The following SLC28A1 variants were observed in gnomAD, a reference collection of about 807,000 sequenced individuals.
SLC28A1 encodes the protein solute carrier family 28 member 1.
In SLC28A1, 64 loss-of-function variants were observed where a neutral mutation model predicts 74.8. That is an observed-to-expected ratio of 0.86 (90% confidence interval 0.70 to 1.05). SLC28A1 has a LOEUF of 1.05. SLC28A1 is among the 50% of genes least tolerant of loss of function. The probability of loss-of-function intolerance (pLI) is 0.00; values close to 1 mark genes in which losing one functional copy is unlikely to be tolerated. For missense variants in SLC28A1, 828 were observed against 822.8 expected, an observed-to-expected ratio of 1.01 and a Z score of -0.08; for synonymous variants, 359 against 335.0, an observed-to-expected ratio of 1.07 and a Z score of -0.78.
chr15:84,892,914 A>G (rs778731286), intron 5 of SLC28A1, among the ~76,000 whole-genome samples: 2 of 152,078 alleles, frequency 1.3e-5, no homozygotes, highest in Non-Finnish European at 2.9e-5. Context: ...GTCTTCAAGG[A>G]GCTTAGCTCA....
chr15:84,960,680 C>T, the SLC28A1 span, among the ~76,000 whole-genome samples: 7 of 152,280 alleles, frequency 4.6e-5, no homozygotes, highest in African/African-American at 1.7e-4. Context: ...CTTTCAACTC[C>T]GCTTCCTGTT....
intron 6 of SLC28A1, chr15:84,895,559 T>C (rs1965905560): frequency 1.3e-6 from 2 of 1,539,178 alleles, no homozygotes; most frequent in South Asian, 1.2e-5. Flanking sequence ...AGCAGCGTCC[T>C]TGGACAACAG....
chr15:84,893,796 C>T (rs796393093), intron 5 of SLC28A1, among the ~76,000 whole-genome samples: 12 of 152,302 alleles, frequency 7.9e-5, no homozygotes, highest in South Asian at 2.1e-4. Context: ...CTGCTTGCCA[C>T]GCACCACACG....
downstream of SLC28A1, among the ~76,000 whole-genome samples, chr15:84,950,708 G>T (rs912560444): frequency 4.6e-5 from 7 of 151,958 alleles, no homozygotes; most frequent in African/African-American, 1.7e-4. Flanking sequence ...TGTCTTAAAA[G>T]AAAAAGAAAA....
intron 6 of SLC28A1, chr15:84,895,959 T>G: frequency 1.0e-6 from 1 of 980,174 alleles, no homozygotes; most frequent in Non-Finnish European, 1.2e-6. Context: ...AGCCTGTGGA[T>G]GAACACATTT....
intron 10 of SLC28A1, 138 bp downstream of exon 10, chr15:84,918,742 C>G: frequency 1.3e-6 from 1 of 747,712 alleles, no homozygotes; most frequent in Non-Finnish European, 2.4e-6. Context: ...CTTCCAGAGT[C>G]CCCTGTTCCC....
At chr15:84,893,427 A>G (rs1027462387) in intron 5 of SLC28A1, among the ~76,000 whole-genome samples, 1 of 152,196 alleles carries the variant, frequency 6.6e-6, no homozygotes, top group African/African-American at 2.4e-5. Flanking sequence ...ACTCCAGCCC[A>G]CAAGCTTCCA....
At chr15:84,937,471 C>T (rs4843007) in intron 15 of SLC28A1, among the ~76,000 whole-genome samples, 65,454 of 152,060 alleles carry the variant, frequency 0.43, 15,178 homozygotes, top group East Asian at 0.88. Context: ...AGGTTCACTA[C>T]TTCAATAAGC....
chr15:84,924,863 A>C (rs961747435), intron 12 of SLC28A1, among the ~76,000 whole-genome samples: 2 of 150,336 alleles, frequency 1.3e-5, no homozygotes, highest in Admixed American at 6.6e-5. Flanking sequence ...TCTTAACCCC[A>C]CTTCCCATGG....
At chr15:84,919,924 C>A (rs916862702) in intron 10 of SLC28A1, among the ~76,000 whole-genome samples, 19 of 152,126 alleles carry the variant, frequency 1.2e-4, no homozygotes, top group Non-Finnish European at 2.4e-4. Flanking sequence ...TGTGTTCAAC[C>A]AAGAGGCTAT....
the SLC28A1 span, among the ~76,000 whole-genome samples, chr15:84,951,114 C>A: frequency 6.6e-6 from 1 of 152,140 alleles, no homozygotes; most frequent in Admixed American, 6.5e-5. Context: ...CAAGCTTGGA[C>A]CATGAAGACA....
intron 15 of SLC28A1, among the ~76,000 whole-genome samples, chr15:84,942,824 A>G (rs1213670227): frequency 6.6e-6 from 1 of 152,198 alleles, no homozygotes; most frequent in Non-Finnish European, 1.5e-5. Context: ...AGAGCTTAGT[A>G]GGGCCAAAGC....
At chr15:84,902,411 T>C (rs970593668) in intron 6 of SLC28A1, among the ~76,000 whole-genome samples, 5 of 149,522 alleles carry the variant, frequency 3.3e-5, no homozygotes, top group Non-Finnish European at 7.4e-5. Flanking sequence ...ACCCCGGAGG[T>C]GGAGGTTGCA....
At chr15:84,951,455 A>G in the SLC28A1 span, among the ~76,000 whole-genome samples, 2 of 142,218 alleles carry the variant, frequency 1.4e-5, no homozygotes, top group African/African-American at 5.2e-5. Flanking sequence ...AAAAAAAAAG[A>G]AGGAGTCTGG....
At position 84,945,245 on chromosome 15, in the gene SLC28A1, C is replaced by G; in HGVS notation, c.*45C>G. 6.4e-7 allele frequency: 1 copy of G among 1,566,818 alleles called. No homozygotes were observed. Among genetic ancestry groups the G allele is most frequent in the Middle Eastern group, 1.7e-4 (1 of 5,966 alleles). On this transcript the variant is annotated 3_prime_UTR_variant, in exon 19 of 19. Coordinates refer to ENST00000394573, the MANE Select transcript of SLC28A1 (RefSeq NM_004213.5). ...TTCTGCGCTTCTGAGGGCTGTTCTC[C>G]CCCGGGAACCATCTGTCCCCACCTT... is the stretch of plus-strand genomic sequence containing the variant.
At chr15:84,917,465 G>A (rs913543951) in intron 9 of SLC28A1, among the ~76,000 whole-genome samples, 3 of 151,812 alleles carry the variant, frequency 2.0e-5, no homozygotes, top group Non-Finnish European at 2.9e-5. Flanking sequence ...AGAGGTAGGG[G>A]ACCTTACGAT....
At chr15:84,910,962 T>C (rs1596280934) in intron 9 of SLC28A1, among the ~76,000 whole-genome samples, 1 of 152,178 alleles carries the variant, frequency 6.6e-6, no homozygotes, top group Non-Finnish European at 1.5e-5. Flanking sequence ...GGAAATGGCA[T>C]GGGCAAAGCA....
rs574440003 is a variant in SLC28A1 at position 84,887,677 on chromosome 15, C to A, written c.-16-68C>A. On this transcript the variant is annotated intron_variant, in intron 2 of 18. Transcript: ENST00000394573. ...CCCACTCAGTCCTCTCCCCTTTCCC[C>A]GGGCCCCTAAACTGGGCCCTGCCCG... The A allele has an allele frequency of 2.5e-6, 4 of 1,580,966 alleles. No homozygotes were observed. The Admixed American group carries it at 6.9e-5, about 27-fold the overall frequency.
At chr15:84,891,577 G>C (rs866420563) in intron 5 of SLC28A1, among the ~76,000 whole-genome samples, 3 of 152,170 alleles carry the variant, frequency 2.0e-5, no homozygotes, top group Non-Finnish European at 4.4e-5. Flanking sequence ...ACACAGAAGG[G>C]GTTGGCGGCA....
Sources: gnomAD v4.1 joint callset for allele counts (sites outside exome capture counted in the v4.1 genomes callset) on GRCh38, gnomAD v4.1.1 for gene constraint, MANE v1.5 for transcripts, NCBI Gene and HGNC (gene_info 2026-07-23, HGNC 2026-07-21) for gene names.